Variants in FANCC observed in about 807,000 individuals in gnomAD.
The protein encoded by FANCC is FA complementation group C.
A neutral mutation model predicts 71.3 loss-of-function variants in FANCC; 55 were observed. The observed-to-expected ratio is 0.77, with a 90% CI of 0.62 to 0.97. FANCC has a LOEUF of 0.97. Ranked by LOEUF, FANCC falls within the 50% of genes least tolerant of loss-of-function variation. The probability of loss-of-function intolerance (pLI) is 0.00; values close to 1 mark genes in which losing one functional copy is unlikely to be tolerated. For synonymous variants in FANCC, 275 were observed against 244.9 expected (o/e 1.12, Z -1.15); for missense variants, 678 against 670.9 (o/e 1.01, Z -0.12).
chr9:95,191,839 T>C (rs1827135357), intron 4 of FANCC, among the ~76,000 whole-genome samples: 1 of 152,070 alleles, frequency 6.6e-6, no homozygotes, highest in Non-Finnish European at 1.5e-5. Context: ...TAGGTCTGCT[T>C]CTCTCCAGGG....
chr9:95,117,181 G>T, intron 11 of FANCC, 134 bp downstream of exon 11: 1 of 798,418 alleles, frequency 1.3e-6, no homozygotes, highest in Non-Finnish European at 2.1e-6. Context: ...GATCCTGGGG[G>T]CTTAAAGGGA....
intron 1 of FANCC, among the ~76,000 whole-genome samples, chr9:95,277,246 A>T (rs879791384): frequency 2.0e-5 from 3 of 152,216 alleles, no homozygotes; most frequent in Non-Finnish European, 2.9e-5. Flanking sequence ...CTTCAGCCTC[A>T]AAGAGCACAT....
At chr9:95,120,764 C>T (rs969825882) in intron 10 of FANCC, among the ~76,000 whole-genome samples, 4 of 152,080 alleles carry the variant, frequency 2.6e-5, no homozygotes, top group African/African-American at 9.7e-5. Context: ...GACGTTTCTG[C>T]CTTTTTATTA....
intron 1 of FANCC, among the ~76,000 whole-genome samples, chr9:95,251,861 T>C (rs552653103): frequency 1.3e-5 from 2 of 152,216 alleles, no homozygotes; most frequent in African/African-American, 4.8e-5. Flanking sequence ...ACCAAGAGAT[T>C]ACATAATTGC....
At chr9:95,181,177 G>GTGTC (rs951448948) in intron 4 of FANCC, among the ~76,000 whole-genome samples, 5 of 150,666 alleles carry the variant, frequency 3.3e-5, no homozygotes, top group Non-Finnish European at 1.5e-5. Context: ...GTGTGTGTGT[G>GTGTC]TGTGTGTGTG....
At chr9:95,126,651 C>A (rs933218005) in intron 8 of FANCC, 70 bp from the exon 9 acceptor site, 1 of 1,510,774 alleles carries the variant, frequency 6.6e-7, no homozygotes, top group Non-Finnish European at 9.2e-7. Flanking sequence ...CTATTATCAG[C>A]CAAAGGAGTT....
rs577133841 is a variant in FANCC, at chr9:95,211,861, GA to G, written c.345+28787del. 9.9e-3 allele frequency among the ~76,000 whole-genome samples: 1,048 copies of G among 106,142 alleles called. 10 individuals carry two copies. Among genetic ancestry groups the G allele is most frequent in the African/African-American group, 0.029 (818 of 28,146 alleles). 69.6% of individuals were successfully genotyped at this position (106,142 alleles called of 152,430 possible). ...TAATCAGGAGAGAAATGAATGGTAAGAAAAAAAAAAAAAACCAGAACCAGTC... is the reference window on the plus strand; with the variant it reads ...TAATCAGGAGAGAAATGAATGGTAAGAAAAAAAAAAAAACCAGAACCAGTC... On this transcript the variant is annotated intron_variant, in intron 4 of 14. Transcript: ENST00000289081.
At chr9:95,252,557 T>C (rs1441804155) in intron 1 of FANCC, among the ~76,000 whole-genome samples, 1 of 151,326 alleles carries the variant, frequency 6.6e-6, no homozygotes, top group Non-Finnish European at 1.5e-5. Flanking sequence ...CCATCCTGGC[T>C]AACACAGCGA....
At chr9:95,246,625 G>T (rs1174163977) in intron 3 of FANCC, among the ~76,000 whole-genome samples, 1 of 152,202 alleles carries the variant, frequency 6.6e-6, no homozygotes, top group African/African-American at 2.4e-5. Context: ...CGAGAGGCAT[G>T]CTGTCTTCCC....
intron 1 of FANCC, among the ~76,000 whole-genome samples, chr9:95,277,330 T>C (rs1380730074): frequency 3.9e-5 from 6 of 152,190 alleles, no homozygotes; most frequent in Admixed American, 2.0e-4. Context: ...TTAAACATAA[T>C]GTATGCATAT....
At chr9:95,220,557 T>A (rs552282497) in intron 4 of FANCC, among the ~76,000 whole-genome samples, 2 of 152,210 alleles carry the variant, frequency 1.3e-5, no homozygotes, top group Non-Finnish European at 2.9e-5. Context: ...GATGTGTTCA[T>A]GTCCTTTGTA....
intron 4 of FANCC, among the ~76,000 whole-genome samples, chr9:95,217,295 G>T (rs551490218): frequency 7.9e-5 from 12 of 152,074 alleles, no homozygotes; most frequent in Non-Finnish European, 1.2e-4. Context: ...ACCATCCTGC[G>T]TAACATGGTG....
At chr9:95,208,850 C>T (rs1828312722) in intron 4 of FANCC, among the ~76,000 whole-genome samples, 2 of 152,200 alleles carry the variant, frequency 1.3e-5, no homozygotes, top group Non-Finnish European at 2.9e-5. Flanking sequence ...TAAAACTAAG[C>T]ATACCCTTAC....
chr9:95,101,014 G>A lies in FANCC; in HGVS notation c.*693C>T, dbSNP rs1357005851. 1 of 233,498 alleles carries A rather than the reference G, an allele frequency of 4.3e-6. No homozygotes were observed. The highest frequency in any genetic ancestry group is 5.6e-5 in the Admixed American group (1 of 17,844). The allele number at this position is 233,498 out of a possible 1,614,324, so 14.5% of individuals were successfully genotyped here. A position where few individuals can be genotyped will look rare whatever the true frequency, so the allele number is the denominator to read the frequency against. The stretch of plus-strand genomic sequence containing the variant: ...AACTGAATTAATCCTGCCTTCTAAT[G>A]TTTCTGGAACACATCCTCTACCTTC... On this transcript the variant is annotated 3_prime_UTR_variant, in exon 15 of 15. Transcript: ENST00000289081.
At chr9:95,184,840 G>T (rs903025712) in intron 4 of FANCC, among the ~76,000 whole-genome samples, 4 of 152,222 alleles carry the variant, frequency 2.6e-5, no homozygotes, top group Non-Finnish European at 5.9e-5. Context: ...CACACGAGTG[G>T]TAGACGTGCA....
chr9:95,309,285 AAAT>A (rs1835245394), intron 1 of FANCC, among the ~76,000 whole-genome samples: 1 of 152,214 alleles, frequency 6.6e-6, no homozygotes, highest in African/African-American at 2.4e-5. Context: ...ATACTGCAGA[AAAT>A]ACTACTTCAT....
intron 1 of FANCC, among the ~76,000 whole-genome samples, chr9:95,315,975 CCAAT>C (rs1588460111): frequency 6.6e-6 from 1 of 152,208 alleles, no homozygotes. Context: ...CCACAACCAG[CCAAT>C]CAATCAAGTT....
In FANCC at chr9:95,247,525, G is replaced by C. The variant is rs372507085; in HGVS notation, c.166-9C>G. 46 of 1,608,992 alleles carry C rather than the reference G, an allele frequency of 2.9e-5. No homozygotes were observed. Among genetic ancestry groups the C allele is most frequent in the Non-Finnish European group, 3.7e-5 (44 of 1,175,980 alleles). On this transcript the variant is annotated splice_polypyrimidine_tract_variant and intron_variant, in intron 2 of 14. Coordinates refer to ENST00000289081, the MANE Select transcript of FANCC (RefSeq NM_000136.3). ...ATGACTGTATTAGAATCCTGTGAAA[G>C]AAAAATAAATTTTGGTCAGTAAAGG...
intron 4 of FANCC, among the ~76,000 whole-genome samples, chr9:95,216,164 C>A (rs997018399): frequency 6.6e-6 from 1 of 152,020 alleles, no homozygotes; most frequent in Non-Finnish European, 1.5e-5. Context: ...AAACAGTAAT[C>A]AAAAGAAAAC....
Sources: gnomAD v4.1 joint callset for allele counts (sites outside exome capture counted in the v4.1 genomes callset) on GRCh38, gnomAD v4.1.1 for gene constraint, MANE v1.5 for transcripts, NCBI Gene and HGNC (gene_info 2026-07-23, HGNC 2026-07-21) for gene names.